PTPRR: variants seen among roughly 807,000 people sequenced by gnomAD.
PTPRR encodes the protein protein tyrosine phosphatase receptor type R.
In PTPRR, 38 loss-of-function variants were observed where a neutral mutation model predicts 77.2. The observed-to-expected ratio is 0.49, with a 90% confidence interval of 0.38 to 0.65. The LOEUF is 0.65. Ranked by LOEUF, PTPRR falls within the 30% of genes least tolerant of loss-of-function variation. The pLI is 0.00. For synonymous variants in PTPRR, 299 were observed against 283.1 expected, an observed-to-expected ratio of 1.06 and a Z score of -0.57; for missense variants, 744 against 799.2, an observed-to-expected ratio of 0.93 and a Z score of 0.83.
At chr12:70,767,908 A>G (rs1286541867) in intron 2 of PTPRR, among the ~76,000 whole-genome samples, 1 of 152,324 alleles carries the variant, frequency 6.6e-6, no homozygotes, top group African/African-American at 2.4e-5. Context: ...CTGCTCCTGA[A>G]TGACTACTGG....
intron 6 of PTPRR, among the ~76,000 whole-genome samples, chr12:70,704,673 C>T (rs1888552741): frequency 6.6e-6 from 1 of 151,778 alleles, no homozygotes; most frequent in African/African-American, 2.4e-5. Context: ...TAAATAATAA[C>T]CATTTATATA....
At chr12:70,859,678 T>C (rs1402595336) in intron 2 of PTPRR, among the ~76,000 whole-genome samples, 1 of 151,988 alleles carries the variant, frequency 6.6e-6, no homozygotes, top group Non-Finnish European at 1.5e-5. Flanking sequence ...GTGATGTCTT[T>C]TACTGTTTTC....
chr12:70,758,786 A>C (rs1482597900), intron 4 of PTPRR, among the ~76,000 whole-genome samples: 2 of 152,120 alleles, frequency 1.3e-5, no homozygotes, highest in Non-Finnish European at 2.9e-5. Context: ...TTATTCATAG[A>C]ACTATATTCT....
chr12:70,911,743 C>T (rs1427548813), intron 1 of PTPRR, among the ~76,000 whole-genome samples: 1 of 108,684 alleles, frequency 9.2e-6, no homozygotes, highest in Non-Finnish European at 1.7e-5. Flanking sequence ...CAAGAAAAGG[C>T]TCAACTGAAA....
intron 2 of PTPRR, among the ~76,000 whole-genome samples, chr12:70,781,343 G>C (rs567392663): frequency 1.3e-5 from 2 of 152,214 alleles, no homozygotes; most frequent in Non-Finnish European, 2.9e-5. Flanking sequence ...GAGTAGAGAG[G>C]TTCCAAAAGA....
At chr12:70,773,995 T>C (rs144070364) in intron 2 of PTPRR, among the ~76,000 whole-genome samples, 89 of 152,342 alleles carry the variant, frequency 5.8e-4, no homozygotes, top group African/African-American at 2.1e-3. Context: ...CCTGGGAGAC[T>C]AGAAAAACTC....
chr12:70,908,151 T>C (rs1893649683), intron 1 of PTPRR, among the ~76,000 whole-genome samples: 1 of 152,186 alleles, frequency 6.6e-6, no homozygotes, highest in Non-Finnish European at 1.5e-5. Context: ...AAAAAGTGTC[T>C]GTTTTAAGAA....
intron 6 of PTPRR, among the ~76,000 whole-genome samples, chr12:70,704,324 C>T (rs1032885835): frequency 1.3e-5 from 2 of 151,610 alleles, no homozygotes; most frequent in Non-Finnish European, 2.9e-5. Context: ...AGGATGAGGC[C>T]GGAAGATTGC....
At chr12:70,861,042 G>C (rs550681677) in intron 2 of PTPRR, among the ~76,000 whole-genome samples, 1 of 152,258 alleles carries the variant, frequency 6.6e-6, no homozygotes, top group East Asian at 1.9e-4. Context: ...TTTTGTTTGT[G>C]TTGAATTCCT....
intron 2 of PTPRR, among the ~76,000 whole-genome samples, chr12:70,854,389 T>C (rs1892619358): frequency 1.3e-5 from 2 of 152,222 alleles, no homozygotes; most frequent in Admixed American, 1.3e-4. Context: ...GTCGACTTCA[T>C]GAGGTCACTC....
In PTPRR at chr12:70,884,871, C is replaced by CAAAAAAAAAA. The variant is rs529547383; in HGVS notation, c.357+7798_357+7807dup. Among the ~76,000 whole-genome samples the CAAAAAAAAAA allele has an allele frequency of 6.3e-3, 342 of 53,924 alleles. 27 individuals carry two copies. The highest frequency in any genetic ancestry group is 0.023 in the African/African-American group (251 of 10,730). 35.4% of individuals were successfully genotyped at this position (53,924 alleles called of 152,430 possible). ...TGGGCAACAGAGCAAAACTCTGTCT[C>CAAAAAAAAAA]AAAAAAAAAAAAAAAAAAAAAAAAA... On this transcript the variant is annotated intron_variant, in intron 2 of 13. Coordinates refer to ENST00000283228, the MANE Select transcript of PTPRR (RefSeq NM_002849.4).
intron 2 of PTPRR, among the ~76,000 whole-genome samples, chr12:70,802,138 A>G (rs1356631440): frequency 6.6e-6 from 1 of 152,212 alleles, no homozygotes; most frequent in African/African-American, 2.4e-5. Context: ...GCAAAGAAAA[A>G]ATGTTAGATC....
intron 10 of PTPRR, chr12:70,664,373 G>A (rs1471731877): frequency 1.3e-5 from 2 of 152,018 alleles, no homozygotes; most frequent in East Asian, 1.9e-4. Flanking sequence ...CAATTATTTC[G>A]CTGTAAGACC....
intron 2 of PTPRR, among the ~76,000 whole-genome samples, chr12:70,833,738 A>C (rs907074454): frequency 4.6e-5 from 7 of 152,150 alleles, no homozygotes; most frequent in Admixed American, 4.6e-4. Flanking sequence ...TGTATGTGGC[A>C]ACCTGATGAA....
chr12:70,898,982 G>C (rs186198466), intron 1 of PTPRR, among the ~76,000 whole-genome samples: 1 of 151,150 alleles, frequency 6.6e-6, no homozygotes, highest in Non-Finnish European at 1.5e-5. Context: ...TAGATAAAAC[G>C]ATCAAATCCT....
rs562111078 is a variant in PTPRR, at chr12:70,675,932, T to C, written c.1497+8195A>G. On this transcript the variant is annotated intron_variant, in intron 10 of 13. Coordinates refer to ENST00000283228, the MANE Select transcript of PTPRR (RefSeq NM_002849.4). ...TAGTTACTCTGGTGGGAGTAATTAC[T>C]TTCTTTGGTGCTTTTTCAGTTCCAG... Among the ~76,000 whole-genome samples, 7 of 151,938 alleles carry C rather than the reference T, an allele frequency of 4.6e-5. No individual in the cohort carries two copies. In the South Asian group the frequency reaches 1.5e-3, roughly 32 times the overall value.
At chr12:70,670,199 C>A (rs555828226) in intron 10 of PTPRR, among the ~76,000 whole-genome samples, 1 of 152,268 alleles carries the variant, frequency 6.6e-6, no homozygotes, top group South Asian at 2.1e-4. Flanking sequence ...AAACTGAGAG[C>A]AGTGTGTTAG....
chr12:70,684,381 G>T (rs986571452), intron 9 of PTPRR, 117 bp from the exon 10 acceptor site: 12 of 1,081,304 alleles, frequency 1.1e-5, no homozygotes, highest in Non-Finnish European at 1.6e-5. Context: ...CACAGGTTAC[G>T]GCTTCACTGA....
At chr12:70,815,779 C>T (rs919949524) in intron 2 of PTPRR, among the ~76,000 whole-genome samples, 2 of 152,172 alleles carry the variant, frequency 1.3e-5, no homozygotes, top group African/African-American at 4.8e-5. Flanking sequence ...ATTCATTTAA[C>T]ACACATTTGA....
Sources: allele counts gnomAD v4.1 joint callset (sites outside exome capture counted in the v4.1 genomes callset), GRCh38; gene constraint gnomAD v4.1.1; transcripts MANE v1.5; gene names NCBI Gene and HGNC (gene_info 2026-07-23, HGNC 2026-07-21).